DGAT2: variants seen among roughly 807,000 people sequenced by gnomAD.
DGAT2 encodes acyl-CoA retinol O-fatty-acyltransferase.
Under a neutral mutation model 48.4 loss-of-function variants are expected in DGAT2, and 33 were observed. That is an observed-to-expected ratio of 0.68 (90% CI 0.52 to 0.91). DGAT2 has a LOEUF of 0.91. DGAT2 is among the 40% of genes least tolerant of loss of function. DGAT2 has a pLI of 0.00. For missense variants in DGAT2, 446 were observed against 493.7 expected, an observed-to-expected ratio of 0.90 and a Z score of 0.92; for synonymous variants, 191 against 194.1, an observed-to-expected ratio of 0.98 and a Z score of 0.13.
intron 1 of DGAT2, among the ~76,000 whole-genome samples, chr11:75,779,379 C>G (rs1944836848): frequency 6.6e-6 from 1 of 152,158 alleles, no homozygotes; most frequent in African/African-American, 2.4e-5. Flanking sequence ...GGACTGGGAG[C>G]CTGAATACCT....
chr11:75,797,076 A>T (rs1945064096), intron 5 of DGAT2, 82 bp from the exon 6 acceptor site: 6 of 1,360,732 alleles, frequency 4.4e-6, no homozygotes, highest in Non-Finnish European at 5.8e-6. Context: ...AGGGTTCTTT[A>T]TGTTTTATAC....
At chr11:75,773,448 C>T (rs546774075) in intron 1 of DGAT2, among the ~76,000 whole-genome samples, 2 of 152,346 alleles carry the variant, frequency 1.3e-5, no homozygotes, top group African/African-American at 4.8e-5. Context: ...TTCACTTCCT[C>T]TCTGGGGATC....
chr11:75,784,418 G>C, intron 1 of DGAT2, 200 bp from the exon 2 acceptor site: 1 of 578,370 alleles, frequency 1.7e-6, no homozygotes, highest in Non-Finnish European at 2.9e-6. Context: ...TAGAAACCAG[G>C]GCACAGGGGA....
intron 2 of DGAT2, among the ~76,000 whole-genome samples, chr11:75,786,274 C>A (rs1240369412): frequency 6.6e-6 from 1 of 152,120 alleles, no homozygotes; most frequent in Non-Finnish European, 1.5e-5. Flanking sequence ...CAGTGTGACC[C>A]CTTCTTGTTA....
At chr11:75,785,304 C>T (rs1944909860) in intron 2 of DGAT2, among the ~76,000 whole-genome samples, 1 of 152,186 alleles carries the variant, frequency 6.6e-6, no homozygotes, top group Admixed American at 6.5e-5. Flanking sequence ...AATGAGAGCA[C>T]CTGGCACAGG....
chr11:75,773,884 C>G (rs11823869), intron 1 of DGAT2: 15,154 of 152,204 alleles, frequency 0.1, 819 homozygotes, highest in East Asian at 0.23. Context: ...ACATTCAGTC[C>G]GGATCTGGAA....
At chr11:75,795,444 A>G (rs560874649) in intron 4 of DGAT2, 5 of 152,344 alleles carry the variant, frequency 3.3e-5, no homozygotes, top group Admixed American at 3.3e-4. Context: ...TAGGTGTCAC[A>G]GGCTTTGCCT....
In DGAT2 at chr11:75,790,213, G is replaced by A. The variant is rs1279891040; in HGVS notation, c.276G>A (p.Met92Ile). 5 of 1,614,020 alleles carry A rather than the reference G, an allele frequency of 3.1e-6. No homozygotes were observed. The East Asian group carries it at 8.9e-5, about 29-fold the overall frequency. ...VLGVACSAIL[M>I]YIFCTDCWLI... ...GAGTGGCCTGCAGTGCCATCCTCAT[G>A]TACATATTCTGCACTGATTGCTGGC... Residue 92 changes from methionine to isoleucine, a missense_variant, in exon 3 of 8, where the codon ATG becomes ATA. Transcript: ENST00000228027.
intron 1 of DGAT2, 130 bp downstream of exon 1, chr11:75,769,242 C>G (rs1170287293): frequency 1.4e-5 from 17 of 1,178,866 alleles, no homozygotes; most frequent in Middle Eastern, 2.6e-4. Flanking sequence ...TTTACGACCT[C>G]TGTTACATCG....
At chr11:75,778,777 C>A (rs563368324) in intron 1 of DGAT2, among the ~76,000 whole-genome samples, 138 of 142,304 alleles carry the variant, frequency 9.7e-4, no homozygotes, top group African/African-American at 3.5e-3. Context: ...GAGGTTGCAG[C>A]GAGTCGAGAT....
Position 75,800,707 on chromosome 11 carries a change from C to G in DGAT2, c.*199C>G. 1 of 670,266 alleles carries G rather than the reference C, an allele frequency of 1.5e-6. No homozygotes were observed. Among genetic ancestry groups the G allele is most frequent in the Non-Finnish European group, 2.4e-6 (1 of 417,308 alleles). The allele number at this position is 670,266 out of a possible 1,614,324, so 41.5% of individuals were successfully genotyped here. A position where few individuals can be genotyped will look rare whatever the true frequency, so the allele number is the denominator to read the frequency against. ...TCTTTCACTTCCAGCTTGCCCTGTTCTAGGTGGTGGCTAAATCTGGGCCTA... is the reference window on the plus strand; with the variant it reads ...TCTTTCACTTCCAGCTTGCCCTGTTGTAGGTGGTGGCTAAATCTGGGCCTA... On this transcript the variant is annotated 3_prime_UTR_variant, in exon 8 of 8. Transcript: ENST00000228027.
intron 1 of DGAT2, among the ~76,000 whole-genome samples, chr11:75,769,865 C>G (rs1177262958): frequency 6.6e-6 from 1 of 152,104 alleles, no homozygotes; most frequent in African/African-American, 2.4e-5. Flanking sequence ...CACAGCTGTC[C>G]TGGTCTGCGT....
chr11:75,777,384 G>T (rs189289809), intron 1 of DGAT2, among the ~76,000 whole-genome samples: 1 of 152,112 alleles, frequency 6.6e-6, no homozygotes, highest in Non-Finnish European at 1.5e-5. Flanking sequence ...TTAGCCTGTC[G>T]CCTACGCCTC....
chr11:75,784,442 C>A, intron 1 of DGAT2, 176 bp from the exon 2 acceptor site: 1 of 761,034 alleles, frequency 1.3e-6, no homozygotes. Flanking sequence ...TGCAGACAGC[C>A]CAGAGTTACA....
chr11:75,791,193 G>T (rs1428815807), intron 4 of DGAT2, among the ~76,000 whole-genome samples: 1 of 152,264 alleles, frequency 6.6e-6, no homozygotes, highest in Non-Finnish European at 1.5e-5. Context: ...AGTGGAGGCA[G>T]CACGTGAATG....
chr11:75,789,211 G>A lies in DGAT2; in HGVS notation c.251-977G>A, dbSNP rs117890038. On this transcript the variant is annotated intron_variant, in intron 2 of 7. Transcript: ENST00000228027. ...GTTGCCCAGGTTGCAGTGTAGTGGC[G>A]CGATCATGGCTCACTGCAGCTTCAA... Among the ~76,000 whole-genome samples the A allele has an allele frequency of 5.0e-3, 767 of 152,016 alleles. 2 individuals are homozygous for A. The highest frequency in any genetic ancestry group is 0.017 in the South Asian group (84 of 4,814).
chr11:75,777,147 C>G (rs1244406414), intron 1 of DGAT2, among the ~76,000 whole-genome samples: 3 of 151,886 alleles, frequency 2.0e-5, no homozygotes, highest in Non-Finnish European at 2.9e-5. Context: ...CCCCCACCCC[C>G]ACCCCTGCCT....
intron 1 of DGAT2, chr11:75,774,079 C>T (rs1363015159): frequency 6.6e-6 from 1 of 152,340 alleles, no homozygotes; most frequent in Non-Finnish European, 1.5e-5. Flanking sequence ...TGGATCCAGG[C>T]CTGTGGTGGC....
intron 5 of DGAT2, chr11:75,796,902 G>A: frequency 2.2e-6 from 1 of 456,226 alleles, no homozygotes; most frequent in Non-Finnish European, 3.9e-6. Flanking sequence ...CGACTTGGCA[G>A]AATTAGGGCC....
Sources: allele counts gnomAD v4.1 joint callset (sites outside exome capture counted in the v4.1 genomes callset), GRCh38; gene constraint gnomAD v4.1.1; transcripts MANE v1.5; gene names NCBI Gene and HGNC (gene_info 2026-07-23, HGNC 2026-07-21).